SYT2: variants seen among roughly 807,000 people sequenced by gnomAD.
The protein encoded by SYT2 is synaptotagmin 2.
A neutral mutation model predicts 39.9 loss-of-function variants in SYT2; 15 were observed. The observed-to-expected ratio is 0.38, with a 90% CI of 0.25 to 0.58. The LOEUF is 0.58. Ranked by LOEUF, SYT2 falls within the 20% of genes least tolerant of loss-of-function variation. The pLI is 0.70. For missense variants in SYT2, 389 were observed against 530.3 expected (o/e 0.73, Z 2.62); for synonymous variants, 181 against 204.5 (o/e 0.89, Z 0.98).
intron 1 of SYT2, among the ~76,000 whole-genome samples, chr1:202,702,117 C>T (rs1226521795): frequency 6.6e-6 from 1 of 152,158 alleles, no homozygotes; most frequent in East Asian, 1.9e-4. Context: ...GTGGTGAGGA[C>T]CTGGGCTTCT....
At chr1:202,652,111 A>G (rs1692205755) in intron 1 of SYT2, among the ~76,000 whole-genome samples, 1 of 152,208 alleles carries the variant, frequency 6.6e-6, no homozygotes, top group Non-Finnish European at 1.5e-5. Context: ...TCATTCAACT[A>G]TCTCTGGGAG....
chr1:202,643,752 C>T (rs942422030), intron 1 of SYT2, among the ~76,000 whole-genome samples: 58 of 152,070 alleles, frequency 3.8e-4, no homozygotes, highest in African/African-American at 1.3e-3. Context: ...TTTAAACTGG[C>T]GCGGTCCTAC....
chr1:202,640,776 G>T (rs57671009), intron 1 of SYT2, among the ~76,000 whole-genome samples: 2 of 141,828 alleles, frequency 1.4e-5, no homozygotes, highest in African/African-American at 5.7e-5. Flanking sequence ...GAGAGAGAGA[G>T]AGAGAGAGAG....
intron 1 of SYT2, among the ~76,000 whole-genome samples, chr1:202,650,098 G>T (rs1234554405): frequency 6.6e-6 from 1 of 152,238 alleles, no homozygotes; most frequent in Non-Finnish European, 1.5e-5. Flanking sequence ...TTGGCAGAGG[G>T]CCCCGGAAGA....
chr1:202,656,944 C>T (rs937881445), intron 1 of SYT2, among the ~76,000 whole-genome samples: 1 of 152,244 alleles, frequency 6.6e-6, no homozygotes, highest in Admixed American at 6.5e-5. Context: ...GACCACTCTC[C>T]AGCTCTCTGG....
intron 1 of SYT2, among the ~76,000 whole-genome samples, chr1:202,637,512 G>T (rs1166173982): frequency 6.6e-6 from 1 of 152,226 alleles, no homozygotes; most frequent in Non-Finnish European, 1.5e-5. Context: ...GGGGATGGGG[G>T]ACAGGCTGCA....
intron 1 of SYT2, among the ~76,000 whole-genome samples, chr1:202,629,676 C>G (rs1199024383): frequency 6.6e-6 from 1 of 152,176 alleles, no homozygotes; most frequent in Non-Finnish European, 1.5e-5. Context: ...TGAGGCCAGC[C>G]TGGGCAGCAC....
intron 1 of SYT2, among the ~76,000 whole-genome samples, chr1:202,706,062 T>G (rs1257522861): frequency 1.3e-5 from 2 of 152,012 alleles, no homozygotes. Context: ...AGCTAGGTGT[T>G]CCCCTGCCCT....
At chr1:202,600,230 C>T (rs1157596674) in intron 7 of SYT2, 127 bp downstream of exon 7, 4 of 782,916 alleles carry the variant, frequency 5.1e-6, no homozygotes, top group Non-Finnish European at 8.5e-6. Flanking sequence ...CTCCCCCGCT[C>T]CTCGAGGAGA....
chr1:202,642,883 C>A (rs1015739881), intron 1 of SYT2, among the ~76,000 whole-genome samples: 3 of 152,244 alleles, frequency 2.0e-5, no homozygotes, highest in Admixed American at 6.5e-5. Context: ...TGCGGCGAGT[C>A]GCCTTCGCTT....
chr1:202,649,057 C>T (rs1692142544), intron 1 of SYT2, among the ~76,000 whole-genome samples: 1 of 152,218 alleles, frequency 6.6e-6, no homozygotes, highest in Non-Finnish European at 1.5e-5. Context: ...TGTTCTCACT[C>T]TCTCTTTGAA....
intron 1 of SYT2, among the ~76,000 whole-genome samples, chr1:202,616,509 T>C (rs1310245944): frequency 2.0e-5 from 3 of 152,054 alleles, no homozygotes; most frequent in African/African-American, 4.8e-5. Context: ...TGCACACACA[T>C]ATACACACGT....
At chr1:202,640,776 GAGAGAGAGAGAGAGAGA>G (rs1691890057) in intron 1 of SYT2, among the ~76,000 whole-genome samples, 2 of 141,830 alleles carry the variant, frequency 1.4e-5, no homozygotes, top group Admixed American at 6.9e-5. Context: ...GAGAGAGAGA[GAGAGAGAGAGAGAGAGA>G]CAGACAGACA....
chr1:202,624,648 G>A (rs1335403123), intron 1 of SYT2, among the ~76,000 whole-genome samples: 1 of 120,086 alleles, frequency 8.3e-6, no homozygotes, highest in African/African-American at 3.1e-5. Context: ...GTAGCACAGT[G>A]TCTGGTGTGT....
intron 1 of SYT2, among the ~76,000 whole-genome samples, chr1:202,650,860 C>T (rs1252157849): frequency 6.6e-6 from 1 of 152,176 alleles, no homozygotes; most frequent in Non-Finnish European, 1.5e-5. Context: ...TCTTGAAGTA[C>T]ACTTCTGATC....
At chr1:202,640,082 T>C (rs1186688670) in intron 1 of SYT2, among the ~76,000 whole-genome samples, 1 of 152,204 alleles carries the variant, frequency 6.6e-6, no homozygotes, top group Non-Finnish European at 1.5e-5. Context: ...CAAGCCAAGA[T>C]GGGAACCTAG....
Position 202,604,629 on chromosome 1 carries a change from C to T in SYT2, c.179-8G>A, listed in dbSNP as rs368067486. 35 of 1,612,890 alleles carry T rather than the reference C, an allele frequency of 2.2e-5. No homozygotes were observed. The highest frequency in any genetic ancestry group is 2.9e-5 in the Non-Finnish European group (34 of 1,179,302). ...TCAGTGCCCAGGGTGGTACTGCCCA[C>T]ACAGAGAAGATCCCAGGGTCAGCAG... On this transcript the variant is annotated splice_region_variant and splice_polypyrimidine_tract_variant and intron_variant, in intron 2 of 8. Transcript: ENST00000367268.
At chr1:202,624,163 C>T (rs55857278) in intron 1 of SYT2, among the ~76,000 whole-genome samples, 12,010 of 151,456 alleles carry the variant, frequency 0.079, 763 homozygotes, top group East Asian at 0.32. Context: ...GCATATGTGG[C>T]GTGTGCATGT....
chr1:202,664,001 G>A (rs1360273243), intron 1 of SYT2, among the ~76,000 whole-genome samples: 3 of 152,194 alleles, frequency 2.0e-5, no homozygotes, highest in East Asian at 3.9e-4. Flanking sequence ...AATCTGCAAT[G>A]AGGCAGCATC....
Sources: gnomAD v4.1 joint callset for allele counts (sites outside exome capture counted in the v4.1 genomes callset) on GRCh38, gnomAD v4.1.1 for gene constraint, MANE v1.5 for transcripts, NCBI Gene and HGNC (gene_info 2026-07-23, HGNC 2026-07-21) for gene names.